The following CAMK1D variants were observed in gnomAD, a reference collection of about 807,000 sequenced individuals.
CAMK1D encodes the protein calcium/calmodulin dependent protein kinase ID.
In CAMK1D, 9 loss-of-function variants were observed where a neutral mutation model predicts 47.7. The ratio of observed to expected loss-of-function variants is 0.19; its 90% confidence interval spans 0.11 to 0.33. The LOEUF is 0.33. CAMK1D is among the 10% of genes least tolerant of loss of function. The probability of loss-of-function intolerance (pLI) is 1.00; values close to 1 mark genes in which losing one functional copy is unlikely to be tolerated. For missense variants in CAMK1D, 291 were observed against 488.7 expected (o/e 0.60, Z 3.81); for synonymous variants, 184 against 184.9 (o/e 0.99, Z 0.04).
At chr10:12,468,196 C>T (rs1488558836) in intron 1 of CAMK1D, among the ~76,000 whole-genome samples, 1 of 152,174 alleles carries the variant, frequency 6.6e-6, no homozygotes, top group Non-Finnish European at 1.5e-5. Context: ...GCTGGGACTA[C>T]AGGTGCTTAA....
chr10:12,703,182 ATG>A (rs1833590039), intron 3 of CAMK1D, among the ~76,000 whole-genome samples: 1 of 152,238 alleles, frequency 6.6e-6, no homozygotes, highest in South Asian at 2.1e-4. Flanking sequence ...TTAAAAATAA[ATG>A]TGTCATTTGT....
chr10:12,583,688 G>A (rs564335419), intron 2 of CAMK1D, among the ~76,000 whole-genome samples: 19 of 150,046 alleles, frequency 1.3e-4, no homozygotes, highest in Admixed American at 7.3e-4. Flanking sequence ...TGCAACCTCC[G>A]CTTCCCAGGT....
intron 2 of CAMK1D, among the ~76,000 whole-genome samples, chr10:12,598,499 A>G (rs533033385): frequency 1.3e-5 from 2 of 152,362 alleles, no homozygotes; most frequent in Admixed American, 6.5e-5. Context: ...CTCAGGAAGC[A>G]GTCTCATTTT....
At chr10:12,431,115 A>C (rs1307686678) in intron 1 of CAMK1D, among the ~76,000 whole-genome samples, 1 of 152,110 alleles carries the variant, frequency 6.6e-6, no homozygotes, top group Non-Finnish European at 1.5e-5. Context: ...GATGAGCCTC[A>C]TTTTCTTATT....
intron 2 of CAMK1D, among the ~76,000 whole-genome samples, chr10:12,570,414 C>T (rs1037455195): frequency 6.6e-6 from 1 of 151,844 alleles, no homozygotes; most frequent in African/African-American, 2.4e-5. Context: ...CGCAGTGGCT[C>T]ACACCTGTAA....
chr10:12,436,435 G>C (rs558587242), intron 1 of CAMK1D, among the ~76,000 whole-genome samples: 1 of 152,356 alleles, frequency 6.6e-6, no homozygotes, highest in South Asian at 2.1e-4. Context: ...AGGAAATCTA[G>C]GAAGCTGGTC....
At chr10:12,519,292 G>C (rs2132183757) in intron 1 of CAMK1D, among the ~76,000 whole-genome samples, 1 of 51,326 alleles carries the variant, frequency 1.9e-5, no homozygotes, top group African/African-American at 7.9e-5. Context: ...GGGCAGAGGG[G>C]TCCTCACTTC....
intron 1 of CAMK1D, among the ~76,000 whole-genome samples, chr10:12,542,143 TGC>T: frequency 6.6e-6 from 1 of 152,332 alleles, no homozygotes; most frequent in African/African-American, 2.4e-5. Context: ...CCTCCCAAAG[TGC>T]TGGGATTACA....
At chr10:12,591,173 A>G (rs1054722194) in intron 2 of CAMK1D, among the ~76,000 whole-genome samples, 6 of 152,140 alleles carry the variant, frequency 3.9e-5, no homozygotes, top group African/African-American at 1.2e-4. Flanking sequence ...GAGATTGATT[A>G]TTCTAGTGGG....
intron 2 of CAMK1D, among the ~76,000 whole-genome samples, chr10:12,656,465 C>G (rs1311870482): frequency 6.6e-6 from 1 of 151,982 alleles, no homozygotes; most frequent in African/African-American, 2.4e-5. Context: ...GCGCTCCAGC[C>G]TGGGTGACGG....
chr10:12,394,957 C>T (rs1035332645), intron 1 of CAMK1D, among the ~76,000 whole-genome samples: 1 of 152,046 alleles, frequency 6.6e-6, no homozygotes, highest in African/African-American at 2.4e-5. Flanking sequence ...GGTGCTGGCC[C>T]AGGTGAGCTC....
intron 5 of CAMK1D, among the ~76,000 whole-genome samples, chr10:12,779,075 C>T (rs1207022720): frequency 1.3e-5 from 2 of 152,072 alleles, no homozygotes; most frequent in Non-Finnish European, 2.9e-5. Flanking sequence ...CTCACTGAGC[C>T]TCGAGAGAGG....
intron 2 of CAMK1D, among the ~76,000 whole-genome samples, chr10:12,604,442 C>A (rs1262774287): frequency 2.0e-5 from 3 of 152,146 alleles, no homozygotes; most frequent in Admixed American, 2.0e-4. Flanking sequence ...AAGTGTTTGG[C>A]CGTGTTGGCC....
chr10:12,523,011 G>A (rs1449993509), intron 1 of CAMK1D, among the ~76,000 whole-genome samples: 7 of 148,438 alleles, frequency 4.7e-5, no homozygotes, highest in South Asian at 2.2e-4. Context: ...GGGCGGAGAC[G>A]CTCCTCACTT....
chr10:12,642,139 G>T (rs1839684990), intron 2 of CAMK1D, among the ~76,000 whole-genome samples: 1 of 152,158 alleles, frequency 6.6e-6, no homozygotes, highest in African/African-American at 2.4e-5. Context: ...TGGGCATGCA[G>T]TTATATTGAA....
intron 1 of CAMK1D, among the ~76,000 whole-genome samples, chr10:12,406,091 T>A (rs1475766251): frequency 1.3e-5 from 2 of 152,040 alleles, no homozygotes; most frequent in East Asian, 3.9e-4. Context: ...GGATTAGCGG[T>A]TGGCTTGTTG....
chr10:12,533,280 G>C (rs937179252), intron 1 of CAMK1D, among the ~76,000 whole-genome samples: 2 of 152,110 alleles, frequency 1.3e-5, no homozygotes, highest in African/African-American at 4.8e-5. Flanking sequence ...TATTGGCAGT[G>C]GTTGGTGTTT....
chr10:12,475,483 A>AT (rs1833875209), intron 1 of CAMK1D, among the ~76,000 whole-genome samples: 1 of 152,160 alleles, frequency 6.6e-6, no homozygotes, highest in African/African-American at 2.4e-5. Context: ...CCTGGGTAAT[A>AT]TTCCACTGTC....
At chr10:12,694,943 ACT>A (rs1311406851) in intron 3 of CAMK1D, among the ~76,000 whole-genome samples, 1 of 152,098 alleles carries the variant, frequency 6.6e-6, no homozygotes, top group Non-Finnish European at 1.5e-5. Flanking sequence ...ATAAAGATAC[ACT>A]CAGGTATAAA....
Sources: allele counts gnomAD v4.1 joint callset (sites outside exome capture counted in the v4.1 genomes callset), GRCh38; gene constraint gnomAD v4.1.1; transcripts MANE v1.5; gene names NCBI Gene and HGNC (gene_info 2026-07-23, HGNC 2026-07-21).